POM121: variants seen among roughly 807,000 people sequenced by gnomAD.
POM121 encodes nuclear envelope pore membrane protein POM 121.
In POM121, 32 loss-of-function variants were observed where a neutral mutation model predicts 81.3. That is an observed-to-expected ratio of 0.39 (90% CI 0.30 to 0.53). POM121 has a LOEUF of 0.53. POM121 is among the 20% of genes least tolerant of loss of function. The pLI, the probability that POM121 is intolerant of heterozygous loss-of-function variation, is 0.66. For missense variants in POM121, 1,138 were observed against 1,614.6 expected (o/e 0.70, Z 5.06); for synonymous variants, 514 against 694.2 (o/e 0.74, Z 4.08).
At chr7:72,902,588 G>A (rs1792801166) in intron 3 of POM121, among the ~76,000 whole-genome samples, 1 of 151,816 alleles carries the variant, frequency 6.6e-6, no homozygotes, top group African/African-American at 2.4e-5. Context: ...GAGTGCAGTG[G>A]TGCAATCTTG....
chr7:72,907,059 G>C (rs782144277), intron 3 of POM121, among the ~76,000 whole-genome samples: 1 of 151,710 alleles, frequency 6.6e-6, no homozygotes, highest in Non-Finnish European at 1.5e-5. Flanking sequence ...TTTTATACCT[G>C]TTTGCCTTTT....
chr7:72,934,786 C>T (rs1197417816), intron 5 of POM121, among the ~76,000 whole-genome samples: 1 of 151,862 alleles, frequency 6.6e-6, no homozygotes, highest in Non-Finnish European at 1.5e-5. Flanking sequence ...TTGAAAGGAC[C>T]ATCCTTATTT....
At position 72,925,284 on chromosome 7, in the gene POM121, C is replaced by G. The variant is rs782401979; in HGVS notation, c.163C>G (p.Leu55Val). 3 of 1,534,618 alleles carry G rather than the reference C, an allele frequency of 2.0e-6. No individual in the cohort carries two copies. The South Asian group carries it at 3.6e-5, about 18-fold the overall frequency. The change falls in exon 1 of 13, where the codon CTG becomes GTG. Residue 55 changes from leucine to valine, a missense_variant. Leu to Val is a conservative substitution (Grantham distance 32). Around this residue, in one of 7 missense-constraint regions of POM121, gnomAD observed 646 missense variants for 633.5 expected, o/e 1.02. Coordinates refer to ENST00000434423, the MANE Select transcript of POM121 (RefSeq NM_001387691.1). ...LLYLVPAAAA[L>V]AWLTVGATAA... ...GTACCTCGTGCCGGCTGCGGCTGCA[C>G]TGGCCTGGCTGACCGTGGGGGCTAC...
intron 5 of POM121, among the ~76,000 whole-genome samples, chr7:72,935,042 CAAAAA>C (rs1192083787): frequency 7.5e-6 from 1 of 132,998 alleles, no homozygotes. Context: ...TCAATTTCCA[CAAAAA>C]AAAAAAAAAG....
At chr7:72,920,556 A>G (rs372315348), upstream of POM121, among the ~76,000 whole-genome samples, 230 of 151,958 alleles carry the variant, frequency 1.5e-3, 1 homozygote, top group Middle Eastern at 0.017. Flanking sequence ...GGGTTTCACC[A>G]TGTTAGCCAG....
At chr7:72,930,402 C>T (rs1257318538) in intron 5 of POM121, among the ~76,000 whole-genome samples, 1 of 152,222 alleles carries the variant, frequency 6.6e-6, no homozygotes, top group Non-Finnish European at 1.5e-5. Flanking sequence ...ATAGAAAATA[C>T]AGATCATTGA....
rs1554503749 is a variant in POM121, at chr7:72,948,194, C to G, written c.*1960C>G. On this transcript the variant is annotated 3_prime_UTR_variant, in exon 13 of 13. Coordinates refer to ENST00000434423, the MANE Select transcript of POM121 (RefSeq NM_001387691.1). ...AGCGGGAGGCTGGGACTTTCCATTA[C>G]AAATAGAGACTTCATTCCTGTTGAG... 18 of 1,440,404 alleles carry G rather than the reference C, an allele frequency of 1.2e-5. No homozygotes were observed. The highest frequency in any genetic ancestry group is 1.5e-5 in the Non-Finnish European group (17 of 1,102,940). 89.2% of individuals were successfully genotyped at this position (1,440,404 alleles called of 1,614,324 possible).
chr7:72,917,126 G>C (rs1282085516), intron 4 of POM121, among the ~76,000 whole-genome samples: 3 of 152,184 alleles, frequency 2.0e-5, no homozygotes, highest in Admixed American at 6.5e-5. Flanking sequence ...GAAGGCTGTA[G>C]TAGTACATAC....
intron 3 of POM121, among the ~76,000 whole-genome samples, chr7:72,905,221 A>G (rs554472558): frequency 4.6e-5 from 7 of 152,174 alleles, no homozygotes; most frequent in African/African-American, 1.7e-4. Context: ...TTATATTTTC[A>G]CTTTTAAATA....
intron 4 of POM121, 115 bp downstream of exon 4, chr7:72,928,580 C>G: frequency 7.8e-7 from 1 of 1,285,396 alleles, no homozygotes; most frequent in Non-Finnish European, 1.1e-6. Flanking sequence ...GGTTCAGGTT[C>G]ACGTCTTTGA....
chr7:72,879,685 G>A, exon 1 of POM121: 1 of 429,270 alleles, frequency 2.3e-6, no homozygotes, highest in East Asian at 7.2e-5. Flanking sequence ...TGTACGGTGA[G>A]CCCCAGGGAG....
chr7:72,938,851 C>G (rs1399184494), intron 6 of POM121, among the ~76,000 whole-genome samples, 170 bp downstream of exon 6: 2 of 152,236 alleles, frequency 1.3e-5, no homozygotes, highest in African/African-American at 4.8e-5. Context: ...GCTGTCATCC[C>G]TACAGTCTTG....
chr7:72,881,811 A>G (rs1790184655), intron 1 of POM121, among the ~76,000 whole-genome samples: 1 of 152,098 alleles, frequency 6.6e-6, no homozygotes, highest in Admixed American at 6.5e-5. Context: ...TTGTATTTTT[A>G]GAAGAGATGG....
upstream of POM121, among the ~76,000 whole-genome samples, chr7:72,920,913 C>T (rs1205658859): frequency 1.3e-5 from 2 of 152,128 alleles, no homozygotes; most frequent in Admixed American, 1.3e-4. Flanking sequence ...CACAGTGGCT[C>T]ATGCCTGTAA....
rs2429279 is a variant in POM121 at position 72,944,823 on chromosome 7, T to C, written c.3530-763T>C. Reference sequence around the variant, plus strand: ...GAGGAGGTCATGGGGGTGGCAGGGTTGAGGGGCTGAGAGGACCATCAGTCA... The same window carrying C: ...GAGGAGGTCATGGGGGTGGCAGGGTCGAGGGGCTGAGAGGACCATCAGTCA... On this transcript the variant is annotated intron_variant, in intron 11 of 12. Coordinates refer to ENST00000434423, the MANE Select transcript of POM121 (RefSeq NM_001387691.1). Among the ~76,000 whole-genome samples, 534 of 150,106 alleles carry C rather than the reference T, an allele frequency of 3.6e-3. 4 individuals are homozygous for C. The highest frequency in any genetic ancestry group is 9.1e-3 in the East Asian group (46 of 5,072).
intron 1 of POM121, chr7:72,880,020 G>A (rs1413970399): frequency 1.0e-4 from 38 of 362,810 alleles, no homozygotes; most frequent in African/African-American, 7.6e-4. Flanking sequence ...TTGAGGGCAA[G>A]GTCCGGCTGC....
intron 4 of POM121, among the ~76,000 whole-genome samples, chr7:72,916,523 A>G (rs1358044235): frequency 6.6e-6 from 1 of 152,158 alleles, no homozygotes; most frequent in Non-Finnish European, 1.5e-5. Flanking sequence ...CCATTGGTCT[A>G]TGTATCTGTT....
At position 72,894,626 on chromosome 7, in the gene POM121, G is replaced by GAGAGAGAGAGAGAGAGAAA. The variant is rs1365638069; in HGVS notation, c.-216+3516_-216+3517insAGAGAGAGAGAGAGAGAAA. On this transcript the variant is annotated intron_variant, in intron 3 of 15. Transcript: ENST00000395270. ...GAGAGAGAGAGAGATGAGAGAGAGAGGAGAGAGAGAGAGAGAGAGAGAGAG... is the reference window on the plus strand; with the variant it reads ...GAGAGAGAGAGAGATGAGAGAGAGAGAGAGAGAGAGAGAGAGAAAGAGAGAGAGAGAGAGAGAGAGAGAG... Among the ~76,000 whole-genome samples, 22 of 23,340 alleles carry GAGAGAGAGAGAGAGAGAAA rather than the reference G, an allele frequency of 9.4e-4. 1 individual carries two copies. Among genetic ancestry groups the GAGAGAGAGAGAGAGAGAAA allele is most frequent in the African/African-American group, 2.1e-3 (20 of 9,408 alleles). 15.3% of individuals were successfully genotyped at this position (23,340 alleles called of 152,430 possible). A position where few individuals can be genotyped will look rare whatever the true frequency, so the allele number is the denominator to read the frequency against.
chr7:72,926,219 C>CT (rs1563155455), intron 1 of POM121, 43 bp from the exon 2 acceptor site: 1 of 1,523,974 alleles, frequency 6.6e-7, no homozygotes, highest in African/African-American at 1.4e-5. Flanking sequence ...ATTTGACATT[C>CT]TTTTTTGCTT....
Sources: allele counts gnomAD v4.1 joint callset (sites outside exome capture counted in the v4.1 genomes callset), GRCh38; gene constraint gnomAD v4.1.1; regional missense constraint gnomAD v4.1.1; transcripts MANE v1.5; gene names NCBI Gene and HGNC (gene_info 2026-07-23, HGNC 2026-07-21).